The following MAP1B variants were observed in gnomAD, a reference collection of about 807,000 sequenced individuals.
MAP1B encodes microtubule-associated protein 1B.
A neutral mutation model predicts 176.1 loss-of-function variants in MAP1B; 12 were observed. The ratio of observed to expected loss-of-function variants is 0.07; its 90% confidence interval spans 0.04 to 0.11. The LOEUF is 0.11. Among genes scored for constraint, MAP1B ranks in the 10% least tolerant of loss-of-function variants. MAP1B has a pLI of 1.00. For synonymous variants in MAP1B, 1,044 were observed against 1,135.0 expected (o/e 0.92, Z 1.61); for missense variants, 2,523 against 2,990.5 (o/e 0.84, Z 3.65).
chr5:72,190,643 T>C (rs1290163944), intron 4 of MAP1B, among the ~76,000 whole-genome samples: 1 of 152,244 alleles, frequency 6.6e-6, no homozygotes, highest in East Asian at 1.9e-4. Flanking sequence ...TCGCCATTTT[T>C]ATCCAAGTGA....
Position 72,199,834 on chromosome 5 carries a change from C to T in MAP1B, c.6479C>T (p.Ser2160Phe). Residue 2160 changes from serine to phenylalanine, a missense_variant, in exon 5 of 7, where the codon TCT becomes TTT. Ser to Phe is a radical substitution (Grantham distance 155). This residue lies in a region of MAP1B where 287 missense variants were observed against 401.5 expected (regional missense o/e 0.71). Coordinates refer to ENST00000296755, the MANE Select transcript of MAP1B (RefSeq NM_005909.5). This position sits in a 1 kb window ranked among gnomAD's most constrained non-coding sequence, Gnocchi z 4.2. Reference protein sequence around the residue: ...VSESAPSQTDSDVPPETEECP... With the variant: ...VSESAPSQTDFDVPPETEECP... ...GAGTCAGCCCCATCCCAGACCGACT[C>T]TGATGTTCCCCCGGAGACTGAAGAG... The T allele has an allele frequency of 6.2e-7, 1 of 1,614,154 alleles. No individual in the cohort carries two copies. The highest frequency in any genetic ancestry group is 8.5e-7 in the Non-Finnish European group (1 of 1,180,010).
chr5:72,118,309 C>T (rs750743991), intron 2 of MAP1B, among the ~76,000 whole-genome samples: 14 of 151,908 alleles, frequency 9.2e-5, no homozygotes, highest in African/African-American at 2.4e-4. Flanking sequence ...CCACACCTGC[C>T]TAATTTCAAG....
chr5:72,198,994 G>C lies in MAP1B; in HGVS notation c.5639G>C (p.Arg1880Thr), dbSNP rs766450798. ...YAYQKPEETTRSPDEEDYDYE... is the reference protein window; with the variant it reads ...YAYQKPEETTTSPDEEDYDYE... ...TATCAAAAGCCTGAGGAAACAACCA[G>C]GTCCCCAGATGAAGAAGATTATGAC... Residue 1880 changes from arginine to threonine, a missense_variant, in exon 5 of 7, where the codon AGG becomes ACG. Around this residue, in one of 4 missense-constraint regions of MAP1B, gnomAD observed 1,925 missense variants for 2,126.0 expected, o/e 0.91. Coordinates refer to ENST00000296755, the MANE Select transcript of MAP1B (RefSeq NM_005909.5). 2 of 1,614,168 alleles carry C rather than the reference G, an allele frequency of 1.2e-6. No homozygotes were observed. The highest frequency in any genetic ancestry group is 2.2e-5 in the East Asian group (1 of 44,886).
intron 4 of MAP1B, among the ~76,000 whole-genome samples, chr5:72,192,286 T>C (rs1271152494): frequency 6.6e-6 from 1 of 152,220 alleles, no homozygotes; most frequent in Non-Finnish European, 1.5e-5. Flanking sequence ...AGCAAATCAT[T>C]TGAGCAAAGA....
chr5:72,121,845 A>C (rs141819890), intron 2 of MAP1B, among the ~76,000 whole-genome samples: 180 of 152,332 alleles, frequency 1.2e-3, no homozygotes, highest in African/African-American at 3.8e-3. Flanking sequence ...CCCTGCTCCA[A>C]CCTTTAAACA....
intron 2 of MAP1B, among the ~76,000 whole-genome samples, chr5:72,124,500 T>C (rs1439212472): frequency 6.6e-6 from 1 of 152,188 alleles, no homozygotes; most frequent in Non-Finnish European, 1.5e-5. Flanking sequence ...ATTGAAAAGC[T>C]AGGGTAGTGT....
At chr5:72,175,506 A>C (rs530787784) in intron 2 of MAP1B, among the ~76,000 whole-genome samples, 1 of 152,316 alleles carries the variant, frequency 6.6e-6, no homozygotes, top group Admixed American at 6.5e-5. Context: ...CATCTACGTT[A>C]TTTATTTCTA....
intron 2 of MAP1B, among the ~76,000 whole-genome samples, chr5:72,155,220 T>TACTGTA (rs1746207302): frequency 2.0e-5 from 3 of 152,202 alleles, no homozygotes; most frequent in Admixed American, 6.5e-5. Context: ...TTTGGTACAT[T>TACTGTA]TTGCTCCCCC....
chr5:72,110,563 A>G (rs1000823377), intron 1 of MAP1B, among the ~76,000 whole-genome samples: 23 of 152,324 alleles, frequency 1.5e-4, no homozygotes, highest in African/African-American at 5.5e-4. Context: ...GCCAGGTCTC[A>G]GCTGGGCCTC....
chr5:72,148,910 C>T (rs772420297), intron 2 of MAP1B, among the ~76,000 whole-genome samples: 1 of 152,110 alleles, frequency 6.6e-6, no homozygotes, highest in Non-Finnish European at 1.5e-5. Flanking sequence ...GAGGTTCTTC[C>T]CTACTCATTT....
intron 2 of MAP1B, among the ~76,000 whole-genome samples, chr5:72,129,849 G>A (rs951366175): frequency 6.6e-6 from 1 of 152,154 alleles, no homozygotes; most frequent in East Asian, 1.9e-4. Context: ...TTATGTATTA[G>A]TTATACAAAT....
intron 2 of MAP1B, among the ~76,000 whole-genome samples, chr5:72,158,722 G>A (rs1746274892): frequency 1.3e-5 from 2 of 152,174 alleles, no homozygotes; most frequent in South Asian, 4.1e-4. Context: ...TAAAAAGCTG[G>A]TGCCCTTATT....
At chr5:72,133,144 C>T (rs962114779) in intron 2 of MAP1B, among the ~76,000 whole-genome samples, 1 of 152,178 alleles carries the variant, frequency 6.6e-6, no homozygotes, top group Admixed American at 6.5e-5. Flanking sequence ...CAAGTTTCTG[C>T]CTGTAATCCT....
At chr5:72,156,836 G>A in intron 2 of MAP1B, among the ~76,000 whole-genome samples, 1 of 152,176 alleles carries the variant, frequency 6.6e-6, no homozygotes, top group East Asian at 1.9e-4. Flanking sequence ...GTCCAACTGA[G>A]TATCAGAGCA....
At chr5:72,177,083 T>C (rs930980254) in intron 2 of MAP1B, among the ~76,000 whole-genome samples, 1 of 152,214 alleles carries the variant, frequency 6.6e-6, no homozygotes, top group Non-Finnish European at 1.5e-5. Flanking sequence ...CTACCACCTT[T>C]GTTTTCTAAC....
intron 4 of MAP1B, chr5:72,193,259 T>TC (rs1747066446): frequency 2.4e-6 from 1 of 412,010 alleles, no homozygotes; most frequent in Non-Finnish European, 4.7e-6. Flanking sequence ...ACCAAGGTTT[T>TC]TTCTTTTTTA....
At position 72,197,379 on chromosome 5, in the gene MAP1B, G is replaced by C; in HGVS notation, c.4024G>C (p.Asp1342His). 2 of 1,614,178 alleles carry C rather than the reference G, an allele frequency of 1.2e-6. No homozygotes were observed. The highest frequency in any genetic ancestry group is 2.2e-5 in the East Asian group (1 of 44,878). ...CACACCTTACTATCAATCTCCTACTGACGAGAAATCCAGTCATCTCCCTAC... is the reference window on the plus strand; with the variant it reads ...CACACCTTACTATCAATCTCCTACTCACGAGAAATCCAGTCATCTCCCTAC... ...GHTPYYQSPTDEKSSHLPTEV... is the reference protein window; with the variant it reads ...GHTPYYQSPTHEKSSHLPTEV... Residue 1342 changes from aspartate (D) to histidine (H), a missense_variant, in exon 5 of 7, where the codon GAC (aspartate) becomes CAC (histidine). Physicochemically the swap from Asp to His is moderately conservative, Grantham distance 81. Transcript: ENST00000296755.
chr5:72,139,937 A>G (rs2112152079), intron 2 of MAP1B, among the ~76,000 whole-genome samples: 1 of 152,230 alleles, frequency 6.6e-6, no homozygotes, highest in South Asian at 2.1e-4. Context: ...ACATATTCAG[A>G]CATATATTGT....
chr5:72,128,337 A>G (rs943197498), intron 2 of MAP1B, among the ~76,000 whole-genome samples: 2 of 152,142 alleles, frequency 1.3e-5, no homozygotes, highest in African/African-American at 4.8e-5. Flanking sequence ...TTGTGCTTCA[A>G]TATAGAACAA....
Sources: gnomAD v4.1 joint callset for allele counts (sites outside exome capture counted in the v4.1 genomes callset) on GRCh38, gnomAD v4.1.1 for gene constraint, gnomAD v4.1.1 regional missense constraint, Gnocchi (gnomAD v3.1) non-coding constraint, MANE v1.5 for transcripts, NCBI Gene and HGNC (gene_info 2026-07-23, HGNC 2026-07-21) for gene names.